TMEM255B: variants seen among roughly 807,000 people sequenced by gnomAD.
TMEM255B encodes transmembrane protein 255B.
Under a neutral mutation model 34.5 loss-of-function variants are expected in TMEM255B, and 35 were observed. The ratio of observed to expected loss-of-function variants is 1.01; its 90% CI spans 0.77 to 1.34. The LOEUF is 1.34. Ranked by LOEUF, TMEM255B falls within the 40% of genes most tolerant of loss-of-function variation. TMEM255B has a pLI of 0.00. For synonymous variants in TMEM255B, 206 were observed against 201.2 expected, an observed-to-expected ratio of 1.02 and a Z score of -0.20; for missense variants, 432 against 433.2, an observed-to-expected ratio of 1.00 and a Z score of 0.02.
chr13:113,804,468 A>T (rs2051126145), intron 7 of TMEM255B, among the ~76,000 whole-genome samples: 1 of 152,094 alleles, frequency 6.6e-6, no homozygotes, highest in South Asian at 2.1e-4. Flanking sequence ...AAAATCAAAA[A>T]AGTAAAAGAG....
At chr13:113,800,301 CTGTGTGTGTGTGTG>C (rs1220505809) in intron 5 of TMEM255B, among the ~76,000 whole-genome samples, 1,745 of 97,106 alleles carry the variant, frequency 0.018, 40 homozygotes, top group South Asian at 0.075. Flanking sequence ...GAGGCGTCCT[CTGTGTGTGTGTGTG>C]TGTGTGTGTG....
At chr13:113,771,810 A>G (rs992608867) in intron 3 of TMEM255B, among the ~76,000 whole-genome samples, 2 of 152,218 alleles carry the variant, frequency 1.3e-5, no homozygotes, top group African/African-American at 4.8e-5. Flanking sequence ...GCTGCTGTGA[A>G]CATTTGTACA....
Position 113,769,118 on chromosome 13 carries a change from A to G in TMEM255B, c.210A>G (p.Leu70=). The G allele has an allele frequency of 1.9e-6, 3 of 1,614,150 alleles. No individual in the cohort carries two copies. Among genetic ancestry groups the G allele is most frequent in the Non-Finnish European group, 2.5e-6 (3 of 1,180,014 alleles). The change falls in exon 3 of 9, where the codon TTA becomes TTG. Residue 70 remains leucine, a synonymous_variant. Coordinates refer to ENST00000375353, the MANE Select transcript of TMEM255B (RefSeq NM_182614.4). This position sits in a 1 kb window ranked among gnomAD's most constrained non-coding sequence, Gnocchi z 4.2. ...PGIILGFGSF[L]GIIGINLVEN... Reference sequence around the variant, plus strand: ...TTTAGCTCGGCTTTGGATCTTTCTTAGGAATTATTGGCATCAACTTGGTGG... The same window carrying G: ...TTTAGCTCGGCTTTGGATCTTTCTTGGGAATTATTGGCATCAACTTGGTGG...
At chr13:113,804,740 A>G in intron 7 of TMEM255B, 145 bp from the exon 8 acceptor site, 1 of 548,820 alleles carries the variant, frequency 1.8e-6, no homozygotes, top group Non-Finnish European at 2.9e-6. Context: ...CGTTAGCTCC[A>G]GCCTGGGTAT....
At chr13:113,761,182 T>C (rs1162997512) in intron 1 of TMEM255B, 2 of 985,228 alleles carry the variant, frequency 2.0e-6, no homozygotes, top group African/African-American at 3.5e-5. Flanking sequence ...TCACTCTTCT[T>C]TTTGGGCGTT....
chr13:113,805,006 C>G lies in TMEM255B; in HGVS notation c.791C>G (p.Ser264Trp). The G allele has an allele frequency of 6.2e-7, 1 of 1,604,652 alleles. No homozygotes were observed. ...RLTPEPVPTC[S>W]SYPLPLQPCS... is the part of the protein sequence containing the mutation. ...ACGCCCGAGCCCGTCCCGACCTGCTCGTCCTACCCTCTGCCCCTTCAGGTA... is the reference window on the plus strand; with the variant it reads ...ACGCCCGAGCCCGTCCCGACCTGCTGGTCCTACCCTCTGCCCCTTCAGGTA... The change falls in exon 8 of 9, where the codon TCG becomes TGG. Residue 264 changes from serine (S) to tryptophan (W), a missense_variant. Transcript: ENST00000375353.
intron 1 of TMEM255B, among the ~76,000 whole-genome samples, chr13:113,762,657 G>A (rs1027649374): frequency 3.9e-5 from 6 of 152,190 alleles, no homozygotes; most frequent in African/African-American, 1.4e-4. Flanking sequence ...GACTTGACAA[G>A]GTCAGTTAGC....
intron 3 of TMEM255B, among the ~76,000 whole-genome samples, chr13:113,775,068 A>ACG (rs2050551163): frequency 6.9e-6 from 1 of 144,970 alleles, no homozygotes; most frequent in Non-Finnish European, 1.5e-5. Flanking sequence ...CACACACCAC[A>ACG]CACTCCACAC....
rs2051373832 is a variant in TMEM255B at position 113,813,812 on chromosome 13, A to T, written c.*1909A>T. On this transcript the variant is annotated 3_prime_UTR_variant, in exon 9 of 9. Coordinates refer to ENST00000375353, the MANE Select transcript of TMEM255B (RefSeq NM_182614.4). The stretch of plus-strand genomic sequence containing the variant: ...CAGCCTCACAAGCTTGCTGTCCAGG[A>T]GAATGTGGTCTTGGCCTCTCAGGGC... 2 of 152,164 alleles carry T rather than the reference A, an allele frequency of 1.3e-5. No individual in the cohort carries two copies. The highest frequency in any genetic ancestry group is 4.1e-4 in the South Asian group (2 of 4,826). The allele number at this position is 152,164 out of a possible 1,614,324, so 9.4% of individuals were successfully genotyped here. A position where few individuals can be genotyped will look rare whatever the true frequency, so the allele number is the denominator to read the frequency against.
Position 113,759,232 on chromosome 13 carries a change from G to C in TMEM255B, c.-38G>C, listed in dbSNP as rs2050250761. The C allele has an allele frequency of 1.6e-6, 2 of 1,226,586 alleles. No individual in the cohort carries two copies. The highest frequency in any genetic ancestry group is 2.0e-6 in the Non-Finnish European group (2 of 984,638). The allele number at this position is 1,226,586 out of a possible 1,614,324, so 76.0% of individuals were successfully genotyped here. On this transcript the variant is annotated 5_prime_UTR_variant, in exon 1 of 9. Coordinates refer to ENST00000375353, the MANE Select transcript of TMEM255B (RefSeq NM_182614.4). ...GAGGGCGGCTCCTGGCGGCGGGACTGTGGCTGTGGCCCCGGGAGAGCCGGG... is the reference window on the plus strand; with the variant it reads ...GAGGGCGGCTCCTGGCGGCGGGACTCTGGCTGTGGCCCCGGGAGAGCCGGG...
intron 3 of TMEM255B, among the ~76,000 whole-genome samples, chr13:113,771,627 C>T (rs902610985): frequency 1.4e-4 from 22 of 152,108 alleles, no homozygotes; most frequent in African/African-American, 3.4e-4. Context: ...TGCGGTGAGC[C>T]GAGATTGAGC....
chr13:113,776,411 C>T (rs551204809), intron 3 of TMEM255B, among the ~76,000 whole-genome samples: 3 of 152,314 alleles, frequency 2.0e-5, no homozygotes, highest in South Asian at 4.1e-4. Context: ...GTTTCTTAAA[C>T]GCACCTCTCT....
At chr13:113,768,871 A>T (rs2050433726) in intron 2 of TMEM255B, 2 of 630,056 alleles carry the variant, frequency 3.2e-6, no homozygotes, top group East Asian at 3.3e-5. Flanking sequence ...ATGCATCATT[A>T]AAAACCTCTG....
At chr13:113,776,083 A>C (rs1335770016) in intron 3 of TMEM255B, among the ~76,000 whole-genome samples, 5 of 152,178 alleles carry the variant, frequency 3.3e-5, no homozygotes, top group Admixed American at 3.3e-4. Flanking sequence ...CAAACGCCTC[A>C]GGCCACACCT....
At chr13:113,779,274 T>A (rs2050630713) in intron 3 of TMEM255B, among the ~76,000 whole-genome samples, 1 of 152,228 alleles carries the variant, frequency 6.6e-6, no homozygotes, top group South Asian at 2.1e-4. Flanking sequence ...GATGGCGATG[T>A]TCTTGCTCTG....
At chr13:113,795,110 G>T in intron 3 of TMEM255B, 38 bp from the exon 4 acceptor site, 1 of 1,606,110 alleles carries the variant, frequency 6.2e-7, no homozygotes, top group Non-Finnish European at 8.5e-7. Flanking sequence ...ACCGGGGTTG[G>T]TAAAAGCTGG....
intron 3 of TMEM255B, among the ~76,000 whole-genome samples, chr13:113,794,206 C>T (rs1337965530): frequency 1.3e-5 from 2 of 152,170 alleles, no homozygotes; most frequent in Admixed American, 6.5e-5. Flanking sequence ...GGTGCCTCTG[C>T]CGGGCGTCTT....
intron 8 of TMEM255B, among the ~76,000 whole-genome samples, chr13:113,807,044 C>A (rs1168296603): frequency 2.6e-5 from 4 of 152,218 alleles, no homozygotes; most frequent in Admixed American, 2.6e-4. Flanking sequence ...TCCATCAGCC[C>A]CTTCCTCTTC....
intron 3 of TMEM255B, among the ~76,000 whole-genome samples, chr13:113,771,272 G>A (rs1419004001): frequency 6.6e-6 from 1 of 152,194 alleles, no homozygotes; most frequent in Non-Finnish European, 1.5e-5. Context: ...CCTACTCTGG[G>A]CTTGTGTGTG....
Sources: allele counts gnomAD v4.1 joint callset (sites outside exome capture counted in the v4.1 genomes callset), GRCh38; gene constraint gnomAD v4.1.1; non-coding constraint Gnocchi (gnomAD v3.1); transcripts MANE v1.5; gene names NCBI Gene and HGNC (gene_info 2026-07-23, HGNC 2026-07-21).